PTPRD: variants seen among roughly 807,000 people sequenced by gnomAD.
PTPRD encodes receptor-type tyrosine-protein phosphatase delta.
PTPRD carries 34 observed loss-of-function variants against 214.5 expected under a neutral mutation model. That is an observed-to-expected ratio of 0.16 (90% CI 0.12 to 0.21). PTPRD has a LOEUF of 0.21. Among genes scored for constraint, PTPRD ranks in the 10% least tolerant of loss-of-function variants. The probability of loss-of-function intolerance (pLI) is 1.00; values close to 1 mark genes in which losing one functional copy is unlikely to be tolerated. For synonymous variants in PTPRD, 1,128 were observed against 845.7 expected, an observed-to-expected ratio of 1.33 and a Z score of -5.79; for missense variants, 2,545 against 2,398.7, an observed-to-expected ratio of 1.06 and a Z score of -1.27.
At chr9:9,364,447 T>C (rs1034826256) in intron 9 of PTPRD, among the ~76,000 whole-genome samples, 2 of 151,434 alleles carry the variant, frequency 1.3e-5, no homozygotes, top group East Asian at 1.9e-4. Flanking sequence ...AGTTGCAATT[T>C]TAAAGAAAGT....
At chr9:9,964,751 A>T (rs1241928247) in intron 4 of PTPRD, among the ~76,000 whole-genome samples, 1 of 152,194 alleles carries the variant, frequency 6.6e-6, no homozygotes, top group African/African-American at 2.4e-5. Context: ...TCCATTGCTT[A>T]TAACTTAGTG....
At chr9:8,534,735 A>C (rs564349192) in intron 14 of PTPRD, among the ~76,000 whole-genome samples, 98 of 151,984 alleles carry the variant, frequency 6.4e-4, no homozygotes, top group Admixed American at 2.6e-3. Context: ...TCTATGCAGC[A>C]GAAAGTCAGT....
chr9:10,205,960 T>C (rs766575768), intron 3 of PTPRD, among the ~76,000 whole-genome samples: 3 of 151,882 alleles, frequency 2.0e-5, no homozygotes, highest in Admixed American at 6.6e-5. Context: ...GATACAGCCC[T>C]GCTCACAATG....
At chr9:9,344,042 G>A (rs958181208) in intron 9 of PTPRD, among the ~76,000 whole-genome samples, 4 of 152,040 alleles carry the variant, frequency 2.6e-5, no homozygotes, top group Admixed American at 1.3e-4. Context: ...CTTCTAGATA[G>A]CCAAGTATAC....
chr9:10,517,243 A>T (rs2098058919), intron 2 of PTPRD, among the ~76,000 whole-genome samples: 1 of 151,834 alleles, frequency 6.6e-6, no homozygotes, highest in Non-Finnish European at 1.5e-5. Flanking sequence ...GATTTTTTTC[A>T]TCAGTGTTTT....
At chr9:10,580,989 C>A (rs187882133) in intron 2 of PTPRD, among the ~76,000 whole-genome samples, 1 of 152,258 alleles carries the variant, frequency 6.6e-6, no homozygotes, top group East Asian at 1.9e-4. Context: ...CAGCAAAGCA[C>A]AGGAGCCTAT....
chr9:10,356,772 C>T (rs1051746815), intron 2 of PTPRD, among the ~76,000 whole-genome samples: 2 of 151,928 alleles, frequency 1.3e-5, no homozygotes, highest in African/African-American at 2.4e-5. Context: ...CTCTGTCTCC[C>T]AAGTTCAAGG....
intron 10 of PTPRD, among the ~76,000 whole-genome samples, chr9:9,108,794 G>A (rs976074811): frequency 2.6e-5 from 4 of 152,160 alleles, no homozygotes; most frequent in African/African-American, 9.6e-5. Flanking sequence ...CCTAGAGCAA[G>A]CACTGTGTAA....
intron 2 of PTPRD, among the ~76,000 whole-genome samples, chr9:10,354,559 C>A (rs1304590791): frequency 1.3e-5 from 2 of 152,084 alleles, no homozygotes; most frequent in Non-Finnish European, 2.9e-5. Flanking sequence ...TCCTTAAGTT[C>A]TTTGACTCTC....
chr9:8,851,399 T>C (rs1221736782), intron 11 of PTPRD, among the ~76,000 whole-genome samples: 6 of 152,162 alleles, frequency 3.9e-5, no homozygotes, highest in African/African-American at 1.4e-4. Flanking sequence ...CTTTCTAAGA[T>C]AAACAACATA....
At chr9:9,112,638 A>T (rs1195084959) in intron 10 of PTPRD, among the ~76,000 whole-genome samples, 1 of 152,124 alleles carries the variant, frequency 6.6e-6, no homozygotes, top group Non-Finnish European at 1.5e-5. Flanking sequence ...TATCCAGATA[A>T]TCCACTCACT....
intron 5 of PTPRD, among the ~76,000 whole-genome samples, chr9:9,927,005 A>G (rs1049351253): frequency 2.0e-5 from 3 of 152,158 alleles, no homozygotes; most frequent in African/African-American, 7.2e-5. Flanking sequence ...TAGGTATTGC[A>G]GGAAAAAGTG....
intron 9 of PTPRD, among the ~76,000 whole-genome samples, chr9:9,283,432 C>G (rs537987462): frequency 6.6e-6 from 1 of 151,188 alleles, no homozygotes; most frequent in Admixed American, 6.6e-5. Flanking sequence ...TCAATTATAT[C>G]TTCTCATTTC....
At chr9:8,952,019 A>T (rs2099104673) in intron 11 of PTPRD, among the ~76,000 whole-genome samples, 1 of 151,940 alleles carries the variant, frequency 6.6e-6, no homozygotes, top group Non-Finnish European at 1.5e-5. Flanking sequence ...ATATATATAC[A>T]CATATATAAA....
chr9:10,114,616 A>C (rs1469234085), intron 3 of PTPRD, among the ~76,000 whole-genome samples: 2 of 152,190 alleles, frequency 1.3e-5, no homozygotes, highest in Non-Finnish European at 2.9e-5. Flanking sequence ...ATATTTGTGC[A>C]TATATGTATG....
chr9:9,333,500 T>TATATTTTATATATATATATATA (rs945082238), intron 9 of PTPRD, among the ~76,000 whole-genome samples: 1,264 of 98,902 alleles, frequency 0.013, 42 homozygotes, highest in African/African-American at 0.072. Flanking sequence ...TATTATATAG[T>TATATTTTATATATATATATATA]ATATTATATA....
chr9:9,624,269 AGT>A (rs1491581301), intron 7 of PTPRD, among the ~76,000 whole-genome samples: 1 of 130,046 alleles, frequency 7.7e-6, no homozygotes, highest in Non-Finnish European at 1.8e-5. Context: ...TTCAGTAGCT[AGT>A]TTTTTTTTTG....
chr9:8,386,644 T>C (rs2087172180), intron 37 of PTPRD, among the ~76,000 whole-genome samples: 1 of 152,140 alleles, frequency 6.6e-6, no homozygotes. Context: ...GAAAATTCAC[T>C]GAGTCCCAAG....
At chr9:10,034,101 G>A (rs2097133200) in intron 3 of PTPRD, among the ~76,000 whole-genome samples, 1 of 151,994 alleles carries the variant, frequency 6.6e-6, no homozygotes, top group Non-Finnish European at 1.5e-5. Context: ...CACTACTAAT[G>A]TCATTCTTCA....
Sources: allele counts gnomAD v4.1 joint callset (sites outside exome capture counted in the v4.1 genomes callset), GRCh38; gene constraint gnomAD v4.1.1; transcripts MANE v1.5; gene names NCBI Gene and HGNC (gene_info 2026-07-23, HGNC 2026-07-21).